Variants in SPOCK1 observed in about 807,000 individuals in gnomAD.
SPOCK1 encodes testican-1.
Under a neutral mutation model 55.3 loss-of-function variants are expected in SPOCK1, and 23 were observed. The ratio of observed to expected loss-of-function variants is 0.42; its 90% CI spans 0.30 to 0.59. The LOEUF (loss-of-function observed/expected upper bound fraction) is 0.59. SPOCK1 is among the 20% of genes least tolerant of loss of function. The pLI is 0.22. For missense variants in SPOCK1, 499 were observed against 552.5 expected (o/e 0.90, Z 0.97); for synonymous variants, 226 against 221.0 (o/e 1.02, Z -0.20).
chr5:137,000,083 A>ACTT (rs1751120600), intron 6 of SPOCK1, among the ~76,000 whole-genome samples: 1 of 152,178 alleles, frequency 6.6e-6, no homozygotes. Context: ...TTTAGTTTAA[A>ACTT]CTTTAGTGCC....
chr5:137,361,187 CA>C (rs1364251336), intron 2 of SPOCK1, among the ~76,000 whole-genome samples: 2 of 152,168 alleles, frequency 1.3e-5, no homozygotes, highest in Non-Finnish European at 2.9e-5. Flanking sequence ...CTGAATCTGC[CA>C]GCACCTTGAC....
chr5:137,364,444 T>C (rs1489266316), intron 2 of SPOCK1, among the ~76,000 whole-genome samples: 1 of 151,874 alleles, frequency 6.6e-6, no homozygotes, highest in East Asian at 1.9e-4. Context: ...AAAAATGGAG[T>C]CATTTTTACA....
At chr5:137,281,952 TTAACTGG>T (rs1757172130) in intron 2 of SPOCK1, among the ~76,000 whole-genome samples, 1 of 152,234 alleles carries the variant, frequency 6.6e-6, no homozygotes. Context: ...TGGCAGTTTT[TTAACTGG>T]TAACTTTTCT....
chr5:137,255,014 T>A (rs1459194264), intron 3 of SPOCK1, among the ~76,000 whole-genome samples: 1 of 152,196 alleles, frequency 6.6e-6, no homozygotes, highest in Non-Finnish European at 1.5e-5. Context: ...CAACCATTCT[T>A]CCTGATATTG....
intron 5 of SPOCK1, among the ~76,000 whole-genome samples, chr5:137,076,589 T>C (rs1752765809): frequency 6.8e-6 from 1 of 146,314 alleles, no homozygotes; most frequent in African/African-American, 2.5e-5. Context: ...TGTAATTTAT[T>C]GAATACTGGA....
chr5:137,079,536 C>CG (rs142340469), intron 5 of SPOCK1, among the ~76,000 whole-genome samples: 65,127 of 113,800 alleles, frequency 0.57, 17,758 homozygotes, highest in South Asian at 0.7. Context: ...ATCTGATTCC[C>CG]CCCCCCCCCG....
At chr5:137,368,651 G>C (rs557477675) in intron 2 of SPOCK1, among the ~76,000 whole-genome samples, 1 of 152,286 alleles carries the variant, frequency 6.6e-6, no homozygotes, top group East Asian at 1.9e-4. Flanking sequence ...TAGAACCCCT[G>C]TCATTATGCG....
chr5:137,364,922 T>C (rs1399758206), intron 2 of SPOCK1: 1 of 152,226 alleles, frequency 6.6e-6, no homozygotes, highest in Non-Finnish European at 1.5e-5. Flanking sequence ...GTGACTTAGT[T>C]GCATGCAAAC....
intron 2 of SPOCK1, among the ~76,000 whole-genome samples, chr5:137,278,961 C>CAG (rs1757122360): frequency 6.6e-6 from 1 of 152,136 alleles, no homozygotes; most frequent in Non-Finnish European, 1.5e-5. Context: ...CCTACTTCCC[C>CAG]CCAGGGGGAA....
At chr5:137,252,321 A>AT (rs1236184664) in intron 3 of SPOCK1, among the ~76,000 whole-genome samples, 2 of 152,338 alleles carry the variant, frequency 1.3e-5, no homozygotes, top group Middle Eastern at 3.4e-3. Context: ...CATTTGAAGA[A>AT]TCAAACTCAT....
chr5:137,094,905 C>T (rs972115954), intron 5 of SPOCK1, among the ~76,000 whole-genome samples: 9 of 152,166 alleles, frequency 5.9e-5, no homozygotes, highest in African/African-American at 9.7e-5. Context: ...TCGCTAAGCA[C>T]GATCATTTCT....
intron 3 of SPOCK1, among the ~76,000 whole-genome samples, chr5:137,169,829 C>A (rs1188565570): frequency 6.6e-6 from 1 of 152,166 alleles, no homozygotes; most frequent in African/African-American, 2.4e-5. Context: ...TAGGACACAG[C>A]CAGGCCAAGA....
chr5:137,412,319 T>G (rs1243981298), intron 2 of SPOCK1, among the ~76,000 whole-genome samples: 2 of 152,182 alleles, frequency 1.3e-5, no homozygotes, highest in African/African-American at 4.8e-5. Flanking sequence ...TATGCCAAAA[T>G]GAACATCTGG....
chr5:137,464,959 G>C (rs1319790291), intron 2 of SPOCK1, among the ~76,000 whole-genome samples: 1 of 152,174 alleles, frequency 6.6e-6, no homozygotes, highest in East Asian at 1.9e-4. Context: ...TAAAGGTTGA[G>C]AGAAAGAATA....
chr5:137,370,925 G>C (rs1404335148), intron 2 of SPOCK1, among the ~76,000 whole-genome samples: 1 of 152,206 alleles, frequency 6.6e-6, no homozygotes, highest in Non-Finnish European at 1.5e-5. Flanking sequence ...CTGACACAAA[G>C]GGACAGCCTG....
chr5:137,379,969 T>C (rs1448263780), intron 2 of SPOCK1, among the ~76,000 whole-genome samples: 1 of 152,250 alleles, frequency 6.6e-6, no homozygotes, highest in Non-Finnish European at 1.5e-5. Flanking sequence ...ATTGCCACTT[T>C]AACACTTAGT....
chr5:137,454,525 G>C (rs1753323980), intron 2 of SPOCK1, among the ~76,000 whole-genome samples: 1 of 152,082 alleles, frequency 6.6e-6, no homozygotes, highest in Non-Finnish European at 1.5e-5. Context: ...GAGGGGAGGG[G>C]GGAACAATGA....
At chr5:137,170,554 T>A (rs1157639062) in intron 3 of SPOCK1, among the ~76,000 whole-genome samples, 2 of 151,696 alleles carry the variant, frequency 1.3e-5, no homozygotes, top group African/African-American at 4.8e-5. Context: ...AGTGCTCTTA[T>A]AAGAATAGGA....
At position 137,112,425 on chromosome 5, in the gene SPOCK1, G is replaced by A. The variant is rs778164336; in HGVS notation, c.474+10C>T. 3 of 1,610,186 alleles carry A rather than the reference G, an allele frequency of 1.9e-6. No individual in the cohort carries two copies. The highest frequency in any genetic ancestry group is 2.2e-5 in the South Asian group (2 of 90,228). Reference sequence around the variant, plus strand: ...TATTTTTGATAACATAAAAAGACAAGAAAACCAACCTTGGATGTGTAGGAG... The same window carrying A: ...TATTTTTGATAACATAAAAAGACAAAAAAACCAACCTTGGATGTGTAGGAG... On this transcript the variant is annotated intron_variant, in intron 5 of 10. Transcript: ENST00000394945.
Sources: allele counts gnomAD v4.1 joint callset (sites outside exome capture counted in the v4.1 genomes callset), GRCh38; gene constraint gnomAD v4.1.1; transcripts MANE v1.5; gene names NCBI Gene and HGNC (gene_info 2026-07-23, HGNC 2026-07-21).